OR9G1: variants seen among roughly 807,000 people sequenced by gnomAD.
OR9G1 encodes olfactory receptor family 9 subfamily G member 1.
In OR9G1, 21 loss-of-function variants were observed where a neutral mutation model predicts 14.5. The observed-to-expected ratio is 1.45, with a 90% CI of 1.03 to 2.09. OR9G1 has a LOEUF of 2.09. Among genes scored for constraint, OR9G1 ranks in the 30% most tolerant of loss-of-function variants. The pLI, the probability that OR9G1 is intolerant of heterozygous loss-of-function variation, is 0.00. For synonymous variants in OR9G1, 179 were observed against 153.3 expected, an observed-to-expected ratio of 1.17 and a Z score of -1.24; for missense variants, 476 against 364.2, an observed-to-expected ratio of 1.31 and a Z score of -2.50.
chr11:56,702,912 G>A lies in OR9G1; in HGVS notation c.*1607G>A, dbSNP rs1857666611. The A allele has an allele frequency of 1.3e-5, 2 of 152,218 alleles. No individual in the cohort carries two copies. Among genetic ancestry groups the A allele is most frequent in the South Asian group, 2.1e-4 (1 of 4,836 alleles). 9.4% of individuals were successfully genotyped at this position (152,218 alleles called of 1,614,324 possible). On this transcript the variant is annotated 3_prime_UTR_variant, in exon 2 of 2. Transcript: ENST00000642097. ...ATCATTTAAAAAGTGGATCTTACAT[G>A]TTCTCACCACAAAGCAGTGGTAAGT...
rs972858695 is a variant in OR9G1 at position 56,703,474 on chromosome 11, A to C, written c.*2169A>C. The C allele has an allele frequency of 6.6e-6, 1 of 152,312 alleles. No individual in the cohort carries two copies. The highest frequency in any genetic ancestry group is 1.5e-5 in the Non-Finnish European group (1 of 68,056). The allele number at this position is 152,312 out of a possible 1,614,324, so 9.4% of individuals were successfully genotyped here. On this transcript the variant is annotated 3_prime_UTR_variant, in exon 2 of 2. Coordinates refer to ENST00000642097, the MANE Select transcript of OR9G1 (RefSeq NM_001005213.2). ...ATACATGTTCTATTTCCCACTAATG[A>C]TATTAAAATTCCTATAAAACACATT...
chr11:56,702,170 T>A lies in OR9G1; in HGVS notation c.*865T>A, dbSNP rs1857652437. On this transcript the variant is annotated 3_prime_UTR_variant, in exon 2 of 2. Transcript: ENST00000642097. ...CAGGTGTGATTCAACAAAAGGATAT[T>A]TCACTTAGCATAATGTCTTCTAGGT... The A allele has an allele frequency of 6.6e-6, 1 of 152,306 alleles. No homozygotes were observed. The highest frequency in any genetic ancestry group is 2.1e-4 in the South Asian group (1 of 4,838). 9.4% of individuals were successfully genotyped at this position (152,306 alleles called of 1,614,324 possible). A position where few individuals can be genotyped will look rare whatever the true frequency, so the allele number is the denominator to read the frequency against.
In OR9G1 at chr11:56,703,817, G is replaced by GAC. The variant is rs1565050180; in HGVS notation, c.*2512_*2513insAC. The GAC allele has an allele frequency of 6.6e-6, 1 of 152,096 alleles. No individual in the cohort carries two copies. The highest frequency in any genetic ancestry group is 2.4e-5 in the African/African-American group (1 of 41,462). 9.4% of individuals were successfully genotyped at this position (152,096 alleles called of 1,614,324 possible). On this transcript the variant is annotated 3_prime_UTR_variant, in exon 2 of 2. Transcript: ENST00000642097. ...TATCCATATATTGTAAACATAGCTCGCTAAGTGCATATTCATATTATTTTA... is the reference window on the plus strand; with the variant it reads ...TATCCATATATTGTAAACATAGCTCGACCTAAGTGCATATTCATATTATTTTA...
chr11:56,701,430 A>G lies in OR9G1; in HGVS notation c.*125A>G. Reference sequence around the variant, plus strand: ...CCTTCTTGACACGTGAGAGTTACAGACATGTACAATAAGAAAATTAGGAAA... The same window carrying G: ...CCTTCTTGACACGTGAGAGTTACAGGCATGTACAATAAGAAAATTAGGAAA... On this transcript the variant is annotated 3_prime_UTR_variant, in exon 2 of 2. Coordinates refer to ENST00000642097, the MANE Select transcript of OR9G1 (RefSeq NM_001005213.2). 7.5e-7 allele frequency: 1 copy of G among 1,334,810 alleles called. No homozygotes were observed. Among genetic ancestry groups the G allele is most frequent in the South Asian group, 1.6e-5 (1 of 61,382 alleles). 82.7% of individuals were successfully genotyped at this position (1,334,810 alleles called of 1,614,324 possible).
Position 56,701,227 on chromosome 11 carries a change from A to G in OR9G1, c.840A>G (p.Val280=), listed in dbSNP as rs1298421412. 1.2e-6 allele frequency: 2 copies of G among 1,614,290 alleles called. No individual in the cohort carries two copies. The change falls in exon 2 of 2, where the codon GTA becomes GTG. Residue 280 remains valine (V), a synonymous_variant. Transcript: ENST00000642097. The part of the protein sequence containing the change: ...DKIVSTFYTV[V]FPMLNLMIYS... The stretch of plus-strand genomic sequence containing the variant: ...TAGTTTCTACATTTTACACTGTGGT[A>G]TTCCCCATGTTGAATCTCATGATCT...
chr11:56,701,437 CA>C lies in OR9G1; in HGVS notation c.*134del, dbSNP rs1857631895. The C allele has an allele frequency of 2.4e-6, 3 of 1,254,418 alleles. No homozygotes were observed. The African/African-American group carries it at 4.6e-5, about 19-fold the overall frequency. The allele number at this position is 1,254,418 out of a possible 1,614,324, so 77.7% of individuals were successfully genotyped here. ...GACACGTGAGAGTTACAGACATGTACAATAAGAAAATTAGGAAAATTTCGGA... is the reference window on the plus strand; with the variant it reads ...GACACGTGAGAGTTACAGACATGTACATAAGAAAATTAGGAAAATTTCGGA... On this transcript the variant is annotated 3_prime_UTR_variant, in exon 2 of 2. Coordinates refer to ENST00000642097, the MANE Select transcript of OR9G1 (RefSeq NM_001005213.2).
chr11:56,700,269 G>T (rs1309995144), intron 1 of OR9G1, 101 bp from the exon 2 acceptor site: 10 of 1,460,254 alleles, frequency 6.8e-6, no homozygotes, highest in Non-Finnish European at 9.1e-6. Flanking sequence ...TTAGATTGTT[G>T]GTTCTAGACT....
rs145946038 is a variant in OR9G1 at position 56,701,219 on chromosome 11, A to T, written c.832A>T (p.Thr278Ser). Residue 278 changes from threonine to serine, a missense_variant, in exon 2 of 2, where the codon ACT (threonine) becomes TCT (serine). By Grantham distance (58) the Thr-to-Ser change is moderately conservative. Transcript: ENST00000642097. ...GGACAAAATAGTTTCTACATTTTAC[A>T]CTGTGGTATTCCCCATGTTGAATCT... is the stretch of plus-strand genomic sequence containing the variant. ...DMDKIVSTFY[T>S]VVFPMLNLMI... 1.9e-6 allele frequency: 3 copies of T among 1,614,300 alleles called. No individual in the cohort carries two copies. The highest frequency in any genetic ancestry group is 2.5e-6 in the Non-Finnish European group (3 of 1,180,048).
At chr11:56,699,782 A>G (rs1349266555) in intron 1 of OR9G1, among the ~76,000 whole-genome samples, 1 of 152,312 alleles carries the variant, frequency 6.6e-6, no homozygotes, top group Admixed American at 6.5e-5. Flanking sequence ...TGTAAAATAT[A>G]GTAAATACTG....
Position 56,700,493 on chromosome 11 carries a change from C to G in OR9G1, c.106C>G (p.Leu36Val). 2 of 1,614,316 alleles carry G rather than the reference C, an allele frequency of 1.2e-6. No individual in the cohort carries two copies. Among genetic ancestry groups the G allele is most frequent in the African/African-American group, 1.3e-5 (1 of 75,086 alleles). ...CGTGGTGTTCCTGGGCGTGTACTCT[C>G]TCACTGTGGTAGGAAATAGCACCCT... ...LFVVFLGVYS[L>V]TVVGNSTLIV... is the part of the protein sequence containing the mutation. The change falls in exon 2 of 2, where the codon CTC becomes GTC. Residue 36 changes from leucine (L) to valine (V), a missense_variant. Around this residue, in one of 3 missense-constraint regions of OR9G1, gnomAD observed 89 missense variants for 85.1 expected, o/e 1.05. Transcript: ENST00000642097.
In OR9G1 at chr11:56,701,038, C is replaced by G; in HGVS notation, c.651C>G (p.Tyr217Ter). 5 of 1,614,280 alleles carry G rather than the reference C, an allele frequency of 3.1e-6. No homozygotes were observed. Among genetic ancestry groups the G allele is most frequent in the Non-Finnish European group, 3.4e-6 (4 of 1,180,022 alleles). ...CCGCAGTGCTCATCCTGGCCTCCTA[C>G]CTCTTTATCATCACCAGTGTCTTGA... ...ICPAVLILAS[Y>*]LFIITSVLRI... Residue 217 changes from tyrosine (Y) to a stop codon, truncating the protein, a stop_gained, in exon 2 of 2, where the codon TAC (tyrosine) becomes TAG (stop). Coordinates refer to ENST00000642097, the MANE Select transcript of OR9G1 (RefSeq NM_001005213.2). LOFTEE classifies it high-confidence loss of function.
chr11:56,699,480 T>A (rs72919643), intron 1 of OR9G1, among the ~76,000 whole-genome samples: 7 of 152,298 alleles, frequency 4.6e-5, no homozygotes, highest in African/African-American at 1.4e-4. Flanking sequence ...AAGAGGAAGA[T>A]CATACAAATA....
In OR9G1 at chr11:56,703,524, CA is replaced by C; in HGVS notation, c.*2220del. 1 of 152,308 alleles carries C rather than the reference CA, an allele frequency of 6.6e-6. No homozygotes were observed. Among genetic ancestry groups the C allele is most frequent in the Admixed American group, 6.5e-5 (1 of 15,294 alleles). 9.4% of individuals were successfully genotyped at this position (152,308 alleles called of 1,614,324 possible). A position where few individuals can be genotyped will look rare whatever the true frequency, so the allele number is the denominator to read the frequency against. On this transcript the variant is annotated 3_prime_UTR_variant, in exon 2 of 2. Coordinates refer to ENST00000642097, the MANE Select transcript of OR9G1 (RefSeq NM_001005213.2). ...TCTTCATTTTTTAAAGTAATGTTAACAGACTCAATTAGTATATTGCAGTGGC... is the reference window on the plus strand; with the variant it reads ...TCTTCATTTTTTAAAGTAATGTTAACGACTCAATTAGTATATTGCAGTGGC...
rs7121276 is a variant in OR9G1, at chr11:56,701,162, G to A, written c.775G>A (p.Ala259Thr). ...CTATGGCTCCATTCTCTACATCTAC[G>A]CTCTCCCCAGATCTAGCTATTCTTT... ...LYYGSILYIY[A>T]LPRSSYSFDM... The change falls in exon 2 of 2, where the codon GCT becomes ACT. Residue 259 changes from alanine to threonine, a missense_variant. Physicochemically the swap from Ala to Thr is moderately conservative, Grantham distance 58. Transcript: ENST00000642097. 23 of 1,614,086 alleles carry A rather than the reference G, an allele frequency of 1.4e-5. No homozygotes were observed. The highest frequency in any genetic ancestry group is 5.3e-5 in the African/African-American group (4 of 74,930).
At position 56,700,951 on chromosome 11, in the gene OR9G1, T is replaced by G. The variant is rs1857615226; in HGVS notation, c.564T>G (p.Cys188Trp). The change falls in exon 2 of 2, where the codon TGT becomes TGG. Residue 188 changes from cysteine (C) to tryptophan (W), a missense_variant. Transcript: ENST00000642097. ...CDLLPLVELA[C>W]GEKGGYKIMM... ...TGCTTCCCTTGGTGGAGCTGGCCTG[T>G]GGCGAGAAGGGCGGCTATAAAATTA... The G allele has an allele frequency of 6.2e-7, 1 of 1,614,254 alleles. No homozygotes were observed. Among genetic ancestry groups the G allele is most frequent in the African/African-American group, 1.3e-5 (1 of 75,090 alleles).
rs1398421353 is a variant in OR9G1 at position 56,701,564 on chromosome 11, A to G, written c.*259A>G. The G allele has an allele frequency of 9.6e-6, 5 of 518,516 alleles. No individual in the cohort carries two copies. Among genetic ancestry groups the G allele is most frequent in the African/African-American group, 2.0e-5 (1 of 50,178 alleles). The allele number at this position is 518,516 out of a possible 1,614,324, so 32.1% of individuals were successfully genotyped here. A position where few individuals can be genotyped will look rare whatever the true frequency, so the allele number is the denominator to read the frequency against. On this transcript the variant is annotated 3_prime_UTR_variant, in exon 2 of 2. Coordinates refer to ENST00000642097, the MANE Select transcript of OR9G1 (RefSeq NM_001005213.2). ...CCCAAAACCTCTCCTATACCTTCAT[A>G]AAGTGAGGAACAGCCTACCTCATTA...
At position 56,700,708 on chromosome 11, in the gene OR9G1, C is replaced by T. The variant is rs1857605468; in HGVS notation, c.321C>T (p.Ala107=). 1 of 1,614,174 alleles carries T rather than the reference C, an allele frequency of 6.2e-7. No individual in the cohort carries two copies. Among genetic ancestry groups the T allele is most frequent in the African/African-American group, 1.3e-5 (1 of 74,968 alleles). The change falls in exon 2 of 2, where the codon GCC becomes GCT. Residue 107 remains alanine, a synonymous_variant. Coordinates refer to ENST00000642097, the MANE Select transcript of OR9G1 (RefSeq NM_001005213.2). The stretch of plus-strand genomic sequence containing the variant: ...AGTTCTTCTTCTCTGCAGGGCTGGC[C>T]TATAGTGAGTGCTACCTGCTGGCTG... ...LCQFFFSAGL[A]YSECYLLAAV... is the part of the protein sequence containing the mutation.
At chr11:56,699,656 T>C (rs1857574032) in intron 1 of OR9G1, among the ~76,000 whole-genome samples, 1 of 59,170 alleles carries the variant, frequency 1.7e-5, no homozygotes, top group Non-Finnish European at 3.8e-5. Context: ...ATGAAGAGAA[T>C]CCTGAAGAGA....
rs750921213 is a variant in OR9G1, at chr11:56,700,480, G to C, written c.93G>C (p.Leu31=). The C allele has an allele frequency of 6.2e-7, 1 of 1,614,182 alleles. No individual in the cohort carries two copies. The change falls in exon 2 of 2, where the codon CTG becomes CTC. Residue 31 remains leucine, a synonymous_variant. Coordinates refer to ENST00000642097, the MANE Select transcript of OR9G1 (RefSeq NM_001005213.2). ...AGCTGGGCCTCTTCGTGGTGTTCCT[G>C]GGCGTGTACTCTCTCACTGTGGTAG... ...GMQLGLFVVF[L]GVYSLTVVGN...
Sources: gnomAD v4.1 joint callset for allele counts (sites outside exome capture counted in the v4.1 genomes callset) on GRCh38, gnomAD v4.1.1 for gene constraint, gnomAD v4.1.1 regional missense constraint, MANE v1.5 for transcripts, NCBI Gene and HGNC (gene_info 2026-07-23, HGNC 2026-07-21) for gene names.